CLPP: variants seen among roughly 807,000 people sequenced by gnomAD.
The protein encoded by CLPP is ATP-dependent Clp protease proteolytic subunit, mitochondrial.
In CLPP, 14 loss-of-function variants were observed where a neutral mutation model predicts 27.4. The ratio of observed to expected loss-of-function variants is 0.51; its 90% CI spans 0.34 to 0.80. The LOEUF (loss-of-function observed/expected upper bound fraction) is 0.80. Ranked by LOEUF, CLPP falls within the 30% of genes least tolerant of loss-of-function variation. The pLI is 0.02. For synonymous variants in CLPP, 193 were observed against 166.6 expected (o/e 1.16, Z -1.22); for missense variants, 361 against 403.6 (o/e 0.89, Z 0.90).
chr19:6,368,722 CCT>C lies in CLPP; in HGVS notation c.*16_*17del. 6.5e-7 allele frequency: 1 copy of C among 1,548,824 alleles called. No homozygotes were observed. The highest frequency in any genetic ancestry group is 8.7e-7 in the Non-Finnish European group (1 of 1,146,802). On this transcript the variant is annotated 3_prime_UTR_variant, in exon 6 of 6. Coordinates refer to ENST00000245816, the MANE Select transcript of CLPP (RefSeq NM_006012.4). ...CAGCTAGCACCTGAGAGCTGGGCCTCCTCTCCAGAATCATGTGGAGGGGCCAG... is the reference window on the plus strand; with the variant it reads ...CAGCTAGCACCTGAGAGCTGGGCCTCCTCCAGAATCATGTGGAGGGGCCAG...
intron 4 of CLPP, among the ~76,000 whole-genome samples, chr19:6,365,449 G>T (rs1255904421): frequency 6.6e-6 from 1 of 152,096 alleles, no homozygotes; most frequent in Non-Finnish European, 1.5e-5. Context: ...ACTCAAGCCT[G>T]GATGACAGAG....
chr19:6,361,995 C>T (rs1304006464), intron 2 of CLPP, 55 bp downstream of exon 2: 10 of 1,499,582 alleles, frequency 6.7e-6, no homozygotes, highest in Non-Finnish European at 9.1e-6. Flanking sequence ...CCTGCCGACA[C>T]TCCCTGCGCC....
intron 2 of CLPP, 104 bp from the exon 3 acceptor site, chr19:6,362,342 T>C (rs1568321798): frequency 3.9e-6 from 3 of 765,936 alleles, no homozygotes; most frequent in East Asian, 5.1e-5. Flanking sequence ...CCTTTTACTT[T>C]GGGCTCTGGT....
intron 2 of CLPP, 38 bp from the exon 3 acceptor site, chr19:6,362,408 C>G (rs773684841): frequency 3.6e-5 from 54 of 1,483,480 alleles, no homozygotes; most frequent in South Asian, 1.6e-4. Context: ...CTCTCCCCAC[C>G]CCGAATCTGG....
chr19:6,364,272 C>T (rs950896059), intron 3 of CLPP, among the ~76,000 whole-genome samples, 180 bp from the exon 4 acceptor site: 3 of 152,016 alleles, frequency 2.0e-5, no homozygotes, highest in Non-Finnish European at 2.9e-5. Context: ...CCTTGTGATC[C>T]GCCTGCCTCA....
Position 6,369,362 on chromosome 19 carries a change from G to A in CLPP, c.*652G>A, listed in dbSNP as rs1361793809. ...ACTTAGGAGGTGGAGGTTGCAGTGA[G>A]CAGGATCACGCCACTGCCCTTTAGC... On this transcript the variant is annotated 3_prime_UTR_variant, in exon 6 of 6. Coordinates refer to ENST00000245816, the MANE Select transcript of CLPP (RefSeq NM_006012.4). Among the ~76,000 whole-genome samples, 1 of 151,078 alleles carries A rather than the reference G, an allele frequency of 6.6e-6. No homozygotes were observed. Among genetic ancestry groups the A allele is most frequent in the African/African-American group, 2.4e-5 (1 of 40,912 alleles).
chr19:6,361,997 C>T, intron 2 of CLPP, 57 bp downstream of exon 2: 2 of 1,483,100 alleles, frequency 1.3e-6, no homozygotes, highest in Non-Finnish European at 1.8e-6. Flanking sequence ...TGCCGACACT[C>T]CCTGCGCCCC....
At chr19:6,361,823 A>C in intron 1 of CLPP, 46 bp from the exon 2 acceptor site, 1 of 1,490,218 alleles carries the variant, frequency 6.7e-7, no homozygotes, top group Middle Eastern at 1.7e-4. Flanking sequence ...CTGGGTGGGG[A>C]TCGGCTGGCT....
At chr19:6,364,751 T>A (rs1173005759) in intron 4 of CLPP, 112 bp downstream of exon 4, 24 of 1,013,508 alleles carry the variant, frequency 2.4e-5, no homozygotes, top group Non-Finnish European at 3.4e-5. Context: ...TTTTTTGAGA[T>A]GGAGTCTCAC....
At chr19:6,365,388 G>A (rs73561877) in intron 4 of CLPP, among the ~76,000 whole-genome samples, 5 of 152,024 alleles carry the variant, frequency 3.3e-5, no homozygotes, top group African/African-American at 9.7e-5. Context: ...GCTGAGATAG[G>A]AGAATCACTT....
Position 6,369,832 on chromosome 19 carries a change from TA to T in CLPP, c.*1126del, listed in dbSNP as rs2091879714. On this transcript the variant is annotated 3_prime_UTR_variant, in exon 6 of 6. Coordinates refer to ENST00000245816, the MANE Select transcript of CLPP (RefSeq NM_006012.4). ...AGTGGAGGTGATTGAGAATAGATCA[TA>T]AAAGGCCTGACATCTAAAAGGAGGG... Among the ~76,000 whole-genome samples, 1 of 150,694 alleles carries T rather than the reference TA, an allele frequency of 6.6e-6. No individual in the cohort carries two copies. Among genetic ancestry groups the T allele is most frequent in the Admixed American group, 6.6e-5 (1 of 15,118 alleles).
In CLPP at chr19:6,364,708, G is replaced by A. The variant is rs955969750; in HGVS notation, c.555+69G>A. ...GTCTAGACAGAAGGACTGACTGGGC[G>A]GAAGTCAAGCGTGGGAGGGGATGTT... On this transcript the variant is annotated intron_variant, in intron 4 of 5. Transcript: ENST00000245816. The A allele has an allele frequency of 4.3e-5, 63 of 1,458,546 alleles. No homozygotes were observed. The African/African-American group carries it at 6.4e-4, about 15-fold the overall frequency. 90.4% of individuals were successfully genotyped at this position (1,458,546 alleles called of 1,614,324 possible).
chr19:6,368,829 T>A lies in CLPP; in HGVS notation c.*119T>A. ...GGGGCCTCTTGAGGAACTTTTAATT[T>A]GCAGGGGTGCCCGCTATGGACGGGG... On this transcript the variant is annotated 3_prime_UTR_variant, in exon 6 of 6. Coordinates refer to ENST00000245816, the MANE Select transcript of CLPP (RefSeq NM_006012.4). The A allele has an allele frequency of 1.2e-6, 1 of 853,800 alleles. No individual in the cohort carries two copies. Among genetic ancestry groups the A allele is most frequent in the Non-Finnish European group, 1.8e-6 (1 of 564,758 alleles). 52.9% of individuals were successfully genotyped at this position (853,800 alleles called of 1,614,324 possible). A position where few individuals can be genotyped will look rare whatever the true frequency, so the allele number is the denominator to read the frequency against.
chr19:6,361,694 C>T lies in CLPP; in HGVS notation c.120C>T (p.Asn40=). 5.4e-6 allele frequency: 8 copies of T among 1,493,704 alleles called. No individual in the cohort carries two copies. The highest frequency in any genetic ancestry group is 7.1e-6 in the Non-Finnish European group (8 of 1,124,318). The allele number at this position is 1,493,704 out of a possible 1,614,324, so 92.5% of individuals were successfully genotyped here. The change falls in exon 1 of 6, where the codon AAC becomes AAT. Residue 40 remains asparagine (N), a synonymous_variant. Coordinates refer to ENST00000245816, the MANE Select transcript of CLPP (RefSeq NM_006012.4). ...AQRPPQRTLQ[N]GLALQRCLHA... ...GGCCGCCGCAGCGGACACTCCAGAACGGCCTGGCCCTGCAGCGGTGCCTGC... is the reference window on the plus strand; with the variant it reads ...GGCCGCCGCAGCGGACACTCCAGAATGGCCTGGCCCTGCAGCGGTGCCTGC...
chr19:6,366,713 A>G (rs1269915764), intron 5 of CLPP, among the ~76,000 whole-genome samples: 1 of 151,874 alleles, frequency 6.6e-6, no homozygotes, highest in African/African-American at 2.4e-5. Flanking sequence ...ATCTCGGCTC[A>G]TTGCAACCTC....
At chr19:6,366,584 G>A (rs2091863879) in intron 5 of CLPP, among the ~76,000 whole-genome samples, 1 of 152,108 alleles carries the variant, frequency 6.6e-6, no homozygotes, top group Non-Finnish European at 1.5e-5. Context: ...TCGGGAGGCT[G>A]AGGCAGGAGA....
At chr19:6,367,530 T>G (rs2091868720) in intron 5 of CLPP, among the ~76,000 whole-genome samples, 1 of 151,794 alleles carries the variant, frequency 6.6e-6, no homozygotes, top group South Asian at 2.1e-4. Context: ...AGTGGTTGCT[T>G]TGGGGTATGG....
In CLPP at chr19:6,361,711, G is replaced by T. The variant is rs199587205; in HGVS notation, c.137G>T (p.Arg46Leu). 2 of 1,504,462 alleles carry T rather than the reference G, an allele frequency of 1.3e-6. No individual in the cohort carries two copies. Among genetic ancestry groups the T allele is most frequent in the Non-Finnish European group, 1.8e-6 (2 of 1,129,726 alleles). The allele number at this position is 1,504,462 out of a possible 1,614,324, so 93.2% of individuals were successfully genotyped here. ...CTCCAGAACGGCCTGGCCCTGCAGC[G>T]GTGCCTGCACGCGACGGCGACCCGG... ...RTLQNGLALQRCLHATATRAL... is the reference protein window; with the variant it reads ...RTLQNGLALQLCLHATATRAL... Residue 46 changes from arginine to leucine, a missense_variant, in exon 1 of 6, where the codon CGG (arginine) becomes CTG (leucine). By Grantham distance (102) the Arg-to-Leu change is moderately radical. Coordinates refer to ENST00000245816, the MANE Select transcript of CLPP (RefSeq NM_006012.4).
chr19:6,369,495 A>G lies in CLPP; in HGVS notation c.*785A>G, dbSNP rs1795581527. Among the ~76,000 whole-genome samples, 1 of 151,448 alleles carries G rather than the reference A, an allele frequency of 6.6e-6. No individual in the cohort carries two copies. The highest frequency in any genetic ancestry group is 2.1e-4 in the South Asian group (1 of 4,808). ...TGTTACAGTTTTTTATGGGGTAATCAGGGAAGCCCTCACTGAGAAGGTGGT... is the reference window on the plus strand; with the variant it reads ...TGTTACAGTTTTTTATGGGGTAATCGGGGAAGCCCTCACTGAGAAGGTGGT... On this transcript the variant is annotated 3_prime_UTR_variant, in exon 6 of 6. Transcript: ENST00000245816.
Sources: allele counts gnomAD v4.1 joint callset (sites outside exome capture counted in the v4.1 genomes callset), GRCh38; gene constraint gnomAD v4.1.1; transcripts MANE v1.5; gene names NCBI Gene and HGNC (gene_info 2026-07-23, HGNC 2026-07-21).